The following SUMF1 variants were observed in gnomAD, a reference collection of about 807,000 sequenced individuals.
SUMF1 encodes formylglycine-generating enzyme.
In SUMF1, 48 loss-of-function variants were observed where a neutral mutation model predicts 47.6. That is an observed-to-expected ratio of 1.01 (90% CI 0.80 to 1.28). The LOEUF (loss-of-function observed/expected upper bound fraction) is 1.28, where lower values mean the gene tolerates loss of function less well. Among genes scored for constraint, SUMF1 ranks in the 50% most tolerant of loss-of-function variants. The pLI, the probability that SUMF1 is intolerant of heterozygous loss-of-function variation, is 0.00. For missense variants in SUMF1, 571 were observed against 485.4 expected (o/e 1.18, Z -1.66); for synonymous variants, 230 against 192.1 (o/e 1.20, Z -1.63).
At position 4,112,316 on chromosome 3, in the gene SUMF1, A is replaced by G. The variant is rs557939130; in HGVS notation, c.1015-43571T>C. On this transcript the variant is annotated intron_variant and NMD_transcript_variant, in intron 8 of 12. Coordinates refer to the SUMF1 transcript ENST00000448413. ...TGTTTCTTTCTTTATACACATGCCA[A>G]TGCTGAGAGGGATAGCCAACTAAAT... Among the ~76,000 whole-genome samples the G allele has an allele frequency of 5.3e-5, 8 of 152,282 alleles. No homozygotes were observed. The East Asian group carries it at 7.7e-4, about 15-fold the overall frequency.
chr3:4,418,756 T>G (rs755269330), intron 4 of SUMF1, among the ~76,000 whole-genome samples: 12 of 152,188 alleles, frequency 7.9e-5, no homozygotes, highest in Admixed American at 3.3e-4. Context: ...CTGTGACCCT[T>G]GGCTTTCAAT....
Position 4,178,221 on chromosome 3 carries a change from T to C in SUMF1, c.1015-109476A>G, listed in dbSNP as rs1015718779. 2.0e-5 allele frequency among the ~76,000 whole-genome samples: 3 copies of C among 152,244 alleles called. 1 individual carries two copies. Among genetic ancestry groups the C allele is most frequent in the Admixed American group, 6.5e-5 (1 of 15,300 alleles). On this transcript the variant is annotated intron_variant and NMD_transcript_variant, in intron 8 of 12. Transcript: ENST00000448413. The stretch of plus-strand genomic sequence containing the variant: ...CCAGCATCATCCTGATACCAAAGCC[T>C]GGCAGAGACACAACAAAAAAAGAGA...
intron 8 of SUMF1, among the ~76,000 whole-genome samples, chr3:4,147,436 C>T (rs550034825): frequency 6.6e-6 from 1 of 152,296 alleles, no homozygotes; most frequent in East Asian, 1.9e-4. Flanking sequence ...TCAAGGCCCA[C>T]ATAAATCATC....
chr3:4,238,157 A>G (rs896116645), intron 8 of SUMF1, among the ~76,000 whole-genome samples: 5 of 151,908 alleles, frequency 3.3e-5, no homozygotes, highest in Non-Finnish European at 5.9e-5. Flanking sequence ...TATGTGCCAT[A>G]TTTTCTTTAT....
intron 8 of SUMF1, among the ~76,000 whole-genome samples, chr3:4,308,818 T>A (rs952497157): frequency 3.3e-5 from 5 of 152,148 alleles, no homozygotes; most frequent in African/African-American, 9.7e-5. Context: ...CATTTACGCC[T>A]TTGACTTGTC....
intron 8 of SUMF1, among the ~76,000 whole-genome samples, chr3:4,163,088 A>C (rs1694615717): frequency 6.6e-6 from 1 of 151,236 alleles, no homozygotes; most frequent in South Asian, 2.1e-4. Context: ...TGTCTGATGT[A>C]AAGTCATTGG....
At chr3:4,344,805 A>T (rs1199553120) in intron 8 of SUMF1, among the ~76,000 whole-genome samples, 1 of 152,166 alleles carries the variant, frequency 6.6e-6, no homozygotes, top group Non-Finnish European at 1.5e-5. Flanking sequence ...AGAGGAATTG[A>T]TAACTAGAAT....
intron 8 of SUMF1, among the ~76,000 whole-genome samples, chr3:4,158,329 G>T (rs1444051): frequency 0.69 from 104,071 of 151,202 alleles, 36,356 homozygotes; most frequent in South Asian, 0.73. Flanking sequence ...GATTTCAATT[G>T]TTTTGAATTT....
intron 8 of SUMF1, among the ~76,000 whole-genome samples, chr3:4,355,954 T>C (rs1382253993): frequency 6.6e-6 from 1 of 152,200 alleles, no homozygotes; most frequent in Non-Finnish European, 1.5e-5. Flanking sequence ...TTTCCAATCC[T>C]AAATAGGGCA....
chr3:4,264,302 A>G (rs1399137288), intron 8 of SUMF1, among the ~76,000 whole-genome samples: 2 of 152,156 alleles, frequency 1.3e-5, no homozygotes, highest in Non-Finnish European at 2.9e-5. Flanking sequence ...CAGAGCCTGG[A>G]GCTAATGAGG....
At chr3:4,147,544 T>C (rs1402609925) in intron 8 of SUMF1, among the ~76,000 whole-genome samples, 2 of 152,174 alleles carry the variant, frequency 1.3e-5, no homozygotes, top group African/African-American at 4.8e-5. Context: ...AGAGCCGAGA[T>C]AATAAATGTC....
chr3:4,216,813 G>A (rs555363763), intron 8 of SUMF1, among the ~76,000 whole-genome samples: 1 of 152,280 alleles, frequency 6.6e-6, no homozygotes, highest in South Asian at 2.1e-4. Context: ...ACCACAATGA[G>A]CTATCATCTC....
At chr3:4,154,205 C>A (rs1273602941) in intron 8 of SUMF1, among the ~76,000 whole-genome samples, 1 of 151,480 alleles carries the variant, frequency 6.6e-6, no homozygotes, top group African/African-American at 2.5e-5. Flanking sequence ...CCAGAAAGAA[C>A]TGGCAGCATG....
chr3:4,063,663 T>C (rs1695316673), intron 9 of SUMF1, among the ~76,000 whole-genome samples: 1 of 152,100 alleles, frequency 6.6e-6, no homozygotes, highest in South Asian at 2.1e-4. Context: ...TGCAAACTGA[T>C]ATCACCAATA....
At chr3:4,219,209 T>C (rs1696008854) in intron 8 of SUMF1, among the ~76,000 whole-genome samples, 1 of 152,190 alleles carries the variant, frequency 6.6e-6, no homozygotes, top group Non-Finnish European at 1.5e-5. Flanking sequence ...AGACTATTCA[T>C]ATAAATAAAT....
chr3:4,418,036 G>A lies in SUMF1; in HGVS notation c.699C>T (p.Tyr233=), dbSNP rs1701772060. 3.7e-6 allele frequency: 6 copies of A among 1,613,936 alleles called. No homozygotes were observed. Among genetic ancestry groups the A allele is most frequent in the Non-Finnish European group, 5.1e-6 (6 of 1,180,048 alleles). ...TATTATGCAGGCCTCCTCGACAGCT[G>A]TATTCCCACTCAGCTTCCGTGGGCA... ...KRLPTEAEWE[Y]SCRGGLHNRL... Residue 233 remains tyrosine (Y), a synonymous_variant, in exon 5 of 9, where the codon TAC becomes TAT. Coordinates refer to ENST00000272902, the MANE Select transcript of SUMF1 (RefSeq NM_182760.4).
intron 8 of SUMF1, among the ~76,000 whole-genome samples, chr3:4,070,386 C>T (rs992205944): frequency 3.3e-5 from 5 of 152,036 alleles, no homozygotes; most frequent in Admixed American, 3.3e-4. Context: ...CATCAACAAA[C>T]GGAGTAAGAG....
intron 8 of SUMF1, among the ~76,000 whole-genome samples, chr3:4,273,883 G>A (rs548396207): frequency 4.4e-4 from 67 of 151,486 alleles, no homozygotes; most frequent in South Asian, 1.3e-3. Context: ...CCTGGTGGCC[G>A]ACTCTGATCA....
intron 1 of SUMF1, among the ~76,000 whole-genome samples, chr3:4,459,569 T>C (rs1325122320): frequency 6.6e-6 from 1 of 152,330 alleles, no homozygotes; most frequent in East Asian, 1.9e-4. Context: ...CCAATAAAAA[T>C]GGTGCTGTTT....
Sources: allele counts gnomAD v4.1 joint callset (sites outside exome capture counted in the v4.1 genomes callset), GRCh38; gene constraint gnomAD v4.1.1; transcripts MANE v1.5; gene names NCBI Gene and HGNC (gene_info 2026-07-23, HGNC 2026-07-21).